Variants in RPS6KA5 observed in about 807,000 individuals in gnomAD.
RPS6KA5 encodes ribosomal protein S6 kinase A5, also known as ribosomal protein S6 kinase alpha-5.
Under a neutral mutation model 85.5 loss-of-function variants are expected in RPS6KA5, and 27 were observed. The ratio of observed to expected loss-of-function variants is 0.32; its 90% CI spans 0.23 to 0.44. RPS6KA5 has a LOEUF of 0.44. RPS6KA5 is among the 20% of genes least tolerant of loss of function. The pLI, the probability that RPS6KA5 is intolerant of heterozygous loss-of-function variation, is 1.00. For synonymous variants in RPS6KA5, 334 were observed against 348.2 expected (o/e 0.96, Z 0.46); for missense variants, 811 against 980.9 (o/e 0.83, Z 2.31).
At chr14:91,055,755 G>C (rs1407030236) in intron 1 of RPS6KA5, among the ~76,000 whole-genome samples, 3 of 152,132 alleles carry the variant, frequency 2.0e-5, no homozygotes, top group African/African-American at 7.2e-5. Flanking sequence ...CTCCAGCCTG[G>C]ATAGATTCCG....
intron 5 of RPS6KA5, among the ~76,000 whole-genome samples, chr14:90,934,287 G>T (rs1033258631): frequency 6.6e-6 from 1 of 151,722 alleles, no homozygotes; most frequent in Non-Finnish European, 1.5e-5. Flanking sequence ...GTGAAGAGTG[G>T]GCACATAAAC....
chr14:91,015,326 G>T (rs1345839919), intron 1 of RPS6KA5, among the ~76,000 whole-genome samples: 1 of 151,862 alleles, frequency 6.6e-6, no homozygotes, highest in African/African-American at 2.4e-5. Flanking sequence ...TACAATAGAA[G>T]TCTTGCTTCA....
chr14:90,920,102 C>G, intron 7 of RPS6KA5, 104 bp downstream of exon 7: 1 of 790,152 alleles, frequency 1.3e-6, no homozygotes, highest in Admixed American at 1.9e-5. Flanking sequence ...ATCACTTTGT[C>G]TATCCTCATT....
chr14:90,992,017 G>C (rs1236798612), intron 2 of RPS6KA5, among the ~76,000 whole-genome samples: 1 of 151,990 alleles, frequency 6.6e-6, no homozygotes, highest in Non-Finnish European at 1.5e-5. Flanking sequence ...AGAGTTTTCA[G>C]TTTCATTTCC....
rs1488069188 is a variant in RPS6KA5 at position 90,868,736 on chromosome 14, ATTG to A, written c.*3335_*3337del. 6.6e-6 allele frequency: 1 copy of A among 152,218 alleles called. No homozygotes were observed. Among genetic ancestry groups the A allele is most frequent in the East Asian group, 1.9e-4 (1 of 5,204 alleles). 9.4% of individuals were successfully genotyped at this position (152,218 alleles called of 1,614,324 possible). On this transcript the variant is annotated 3_prime_UTR_variant, in exon 17 of 17. Transcript: ENST00000614987. ...GGCAAGGTGAATAAGTATCCAGTCAATTGTATACTTTTATAAAGTAGTGTATTT... is the reference window on the plus strand; with the variant it reads ...GGCAAGGTGAATAAGTATCCAGTCAATATACTTTTATAAAGTAGTGTATTT...
At chr14:90,983,486 G>A (rs1486350644) in intron 2 of RPS6KA5, among the ~76,000 whole-genome samples, 1 of 151,772 alleles carries the variant, frequency 6.6e-6, no homozygotes, top group Admixed American at 6.6e-5. Context: ...TGTGGTCCCA[G>A]CTACTTAGGA....
chr14:90,929,192 C>A (rs955114956), intron 5 of RPS6KA5, among the ~76,000 whole-genome samples: 3 of 151,966 alleles, frequency 2.0e-5, no homozygotes, highest in African/African-American at 7.2e-5. Flanking sequence ...AATACATGTT[C>A]TTTAATGTAA....
At chr14:91,033,853 T>C (rs1407974655) in intron 1 of RPS6KA5, among the ~76,000 whole-genome samples, 2 of 152,140 alleles carry the variant, frequency 1.3e-5, no homozygotes, top group Non-Finnish European at 2.9e-5. Context: ...TTGTTTTTAA[T>C]AGGGAAAAAG....
intron 7 of RPS6KA5, among the ~76,000 whole-genome samples, chr14:90,911,858 T>C (rs2035836296): frequency 6.6e-6 from 1 of 152,198 alleles, no homozygotes; most frequent in African/African-American, 2.4e-5. Context: ...TCTTAAACTA[T>C]AATGAACATG....
intron 5 of RPS6KA5, among the ~76,000 whole-genome samples, chr14:90,934,762 C>CTATTT (rs2037171648): frequency 6.6e-6 from 1 of 152,104 alleles, no homozygotes; most frequent in Non-Finnish European, 1.5e-5. Flanking sequence ...CAGGCAATCC[C>CTATTT]TATTTACCCC....
intron 3 of RPS6KA5, among the ~76,000 whole-genome samples, chr14:90,960,357 G>T (rs920209925): frequency 1.3e-5 from 2 of 152,042 alleles, no homozygotes; most frequent in Non-Finnish European, 2.9e-5. Flanking sequence ...AGACTATCAG[G>T]GATATCGTTA....
intron 4 of RPS6KA5, among the ~76,000 whole-genome samples, chr14:90,943,466 T>C (rs2037699621): frequency 6.6e-6 from 1 of 152,144 alleles, no homozygotes; most frequent in Non-Finnish European, 1.5e-5. Context: ...CTTCTTCATG[T>C]CTCTATTCTT....
In RPS6KA5 at chr14:90,854,012, T is replaced by C. The variant is rs887697106; in HGVS notation, c.*18062A>G. On this transcript the variant is annotated 3_prime_UTR_variant, in exon 17 of 17. Transcript: ENST00000614987. ...GGGCAGTCTTATTAATTTGGTATTG[T>C]AAGCCCCCAATACATGTGTGTATAC... is the stretch of plus-strand genomic sequence containing the variant. 1.3e-5 allele frequency: 2 copies of C among 152,202 alleles called. No individual in the cohort carries two copies. The highest frequency in any genetic ancestry group is 4.8e-5 in the African/African-American group (2 of 41,454). 9.4% of individuals were successfully genotyped at this position (152,202 alleles called of 1,614,324 possible). A position where few individuals can be genotyped will look rare whatever the true frequency, so the allele number is the denominator to read the frequency against.
At chr14:90,909,853 G>A (rs1227007540) in intron 7 of RPS6KA5, among the ~76,000 whole-genome samples, 2 of 152,036 alleles carry the variant, frequency 1.3e-5, no homozygotes, top group East Asian at 1.9e-4. Context: ...GTGCAGTGGC[G>A]CAATTCTCCT....
intron 3 of RPS6KA5, among the ~76,000 whole-genome samples, chr14:90,959,048 G>C (rs985965213): frequency 1.3e-5 from 2 of 151,998 alleles, no homozygotes; most frequent in Non-Finnish European, 2.9e-5. Context: ...GGCAGTGCAG[G>C]CCTGGTGTAT....
Position 90,900,234 on chromosome 14 carries a change from G to A in RPS6KA5, c.1253C>T (p.Pro418Leu). Residue 418 changes from proline to leucine, a missense_variant, in exon 11 of 17, where the codon CCA (proline) becomes CTA (leucine). Around this residue, in one of 3 missense-constraint regions of RPS6KA5, gnomAD observed 650 missense variants for 793.4 expected, o/e 0.82. Transcript: ENST00000614987. ...ATCTAGGTCATAGTGTTGATAGAAT[G>A]GAGAGTCCTGTCAAGAAATCAACAT... ...VARSAMMKDS[P>L]FYQHYDLDLK... 6.3e-7 allele frequency: 1 copy of A among 1,579,076 alleles called. No homozygotes were observed. The highest frequency in any genetic ancestry group is 8.6e-7 in the Non-Finnish European group (1 of 1,162,876).
intron 2 of RPS6KA5, among the ~76,000 whole-genome samples, chr14:90,996,697 A>T (rs188166323): frequency 1.5e-3 from 228 of 152,282 alleles, no homozygotes; most frequent in African/African-American, 4.8e-3. Context: ...GCTTTTGATA[A>T]AAAACATAAA....
rs1247257126 is a variant in RPS6KA5, at chr14:90,853,887, C to A, written c.*18187G>T. On this transcript the variant is annotated 3_prime_UTR_variant, in exon 17 of 17. Transcript: ENST00000614987. ...AAGAAACGAACACAAATATTTCACA[C>A]CCTTTTTCTTGATTAATCATTTGTA... 6.6e-6 allele frequency: 1 copy of A among 152,114 alleles called. No individual in the cohort carries two copies. Among genetic ancestry groups the A allele is most frequent in the Admixed American group, 6.5e-5 (1 of 15,272 alleles). 9.4% of individuals were successfully genotyped at this position (152,114 alleles called of 1,614,324 possible).
chr14:90,885,521 C>A (rs1411326612), intron 14 of RPS6KA5, among the ~76,000 whole-genome samples: 10 of 114,998 alleles, frequency 8.7e-5, no homozygotes, highest in East Asian at 2.6e-4. Context: ...CCACTGCACT[C>A]CAGCCTGGGC....
Sources: gnomAD v4.1 joint callset for allele counts (sites outside exome capture counted in the v4.1 genomes callset) on GRCh38, gnomAD v4.1.1 for gene constraint, gnomAD v4.1.1 regional missense constraint, MANE v1.5 for transcripts, NCBI Gene and HGNC (gene_info 2026-07-23, HGNC 2026-07-21) for gene names.